The following ZNF143 variants were observed in gnomAD, a reference collection of about 807,000 sequenced individuals.
ZNF143 encodes the protein zinc finger protein 143.
Under a neutral mutation model 74.1 loss-of-function variants are expected in ZNF143, and 49 were observed. The ratio of observed to expected loss-of-function variants is 0.66; its 90% CI spans 0.53 to 0.84. The LOEUF (loss-of-function observed/expected upper bound fraction) is 0.84. Ranked by LOEUF, ZNF143 falls within the 40% of genes least tolerant of loss-of-function variation. ZNF143 has a pLI of 0.00. For missense variants in ZNF143, 637 were observed against 793.4 expected (o/e 0.80, Z 2.37); for synonymous variants, 304 against 282.8 (o/e 1.07, Z -0.75).
rs1847463698 is a variant in ZNF143, at chr11:9,486,164, T to TA, written c.645+6619dup. Among the ~76,000 whole-genome samples, 2 of 147,730 alleles carry TA rather than the reference T, an allele frequency of 1.4e-5. 1 individual carries two copies. Among genetic ancestry groups the TA allele is most frequent in the African/African-American group, 5.2e-5 (2 of 38,824 alleles). Reference sequence around the variant, plus strand: ...TCATTGGATAGCCATGGGGGCCAATTAGACAGTGTACGTAAAGCAGCCACC... The same window carrying TA: ...TCATTGGATAGCCATGGGGGCCAATTAAGACAGTGTACGTAAAGCAGCCACC... On this transcript the variant is annotated intron_variant, in intron 7 of 15. Transcript: ENST00000396602.
intron 4 of ZNF143, 126 bp from the exon 5 acceptor site, chr11:9,474,424 T>G (rs768289964): frequency 1.1e-6 from 1 of 930,276 alleles, no homozygotes; most frequent in Non-Finnish European, 1.7e-6. Context: ...ACTTAAATGT[T>G]CAAAGACTCA....
intron 13 of ZNF143, 69 bp downstream of exon 13, chr11:9,512,665 T>TC: frequency 6.3e-7 from 1 of 1,592,844 alleles, no homozygotes; most frequent in Non-Finnish European, 8.6e-7. Flanking sequence ...GCAGGCTGGG[T>TC]CCCCATTGAG....
At chr11:9,507,093 C>T (rs1848391683) in intron 11 of ZNF143, among the ~76,000 whole-genome samples, 1 of 152,162 alleles carries the variant, frequency 6.6e-6, no homozygotes, top group African/African-American at 2.4e-5. Flanking sequence ...GGGCAGAGGA[C>T]AGGAAGAAAT....
intron 7 of ZNF143, among the ~76,000 whole-genome samples, chr11:9,487,007 C>T (rs1216781443): frequency 1.5e-5 from 2 of 136,794 alleles, no homozygotes; most frequent in African/African-American, 2.9e-5. Context: ...ACTCTTGTCA[C>T]CCAGGCTGGA....
chr11:9,501,067 A>T, intron 10 of ZNF143, 24 bp from the exon 11 acceptor site: 1 of 1,613,658 alleles, frequency 6.2e-7, no homozygotes, highest in Non-Finnish European at 8.5e-7. Flanking sequence ...GCACCATTTA[A>T]TGTATTACCC....
Position 9,501,167 on chromosome 11 carries a change from T to A in ZNF143, c.1044T>A (p.Val348=), listed in dbSNP as rs760779294. 2 of 1,614,162 alleles carry A rather than the reference T, an allele frequency of 1.2e-6. No homozygotes were observed. Among genetic ancestry groups the A allele is most frequent in the South Asian group, 2.2e-5 (2 of 91,078 alleles). Residue 348 remains valine (V), a synonymous_variant, in exon 11 of 16, where the codon GTT becomes GTA. Coordinates refer to ENST00000396602, the MANE Select transcript of ZNF143 (RefSeq NM_003442.6). ...CATCAAATATCAGAAAAGTGCACGT[T>A]AGGACACACACAGGAGAAAGACCTT... The part of the protein sequence containing the change: ...FTTSNIRKVH[V]RTHTGERPYY...
intron 7 of ZNF143, among the ~76,000 whole-genome samples, chr11:9,485,430 C>T (rs886450217): frequency 6.7e-6 from 1 of 149,170 alleles, no homozygotes; most frequent in Non-Finnish European, 1.5e-5. Context: ...TCATTGCAAC[C>T]TCTGCCTCCC....
At chr11:9,514,169 A>G (rs1240004207) in intron 13 of ZNF143, among the ~76,000 whole-genome samples, 1 of 152,184 alleles carries the variant, frequency 6.6e-6, no homozygotes, top group African/African-American at 2.4e-5. Flanking sequence ...GAGCGCTGGG[A>G]TTTCAGGCAT....
chr11:9,474,637 A>G lies in ZNF143; in HGVS notation c.373+4A>G. 1 of 1,613,536 alleles carries G rather than the reference A, an allele frequency of 6.2e-7. No individual in the cohort carries two copies. Among genetic ancestry groups the G allele is most frequent in the Non-Finnish European group, 8.5e-7 (1 of 1,179,444 alleles). On this transcript the variant is annotated splice_donor_region_variant and intron_variant, in intron 5 of 15. Coordinates refer to ENST00000396602, the MANE Select transcript of ZNF143 (RefSeq NM_003442.6). Reference sequence around the variant, plus strand: ...TTTATTCACCACACCTCCAAAGGTAAAATAACTTTGAAAGTATGAATAAAA... The same window carrying G: ...TTTATTCACCACACCTCCAAAGGTAGAATAACTTTGAAAGTATGAATAAAA...
At position 9,479,505 on chromosome 11, in the gene ZNF143, A is replaced by G. The variant is rs373577831; in HGVS notation, c.604A>G (p.Thr202Ala). 1.2e-6 allele frequency: 2 copies of G among 1,613,332 alleles called. No homozygotes were observed. Among genetic ancestry groups the G allele is most frequent in the African/African-American group, 2.7e-5 (2 of 74,890 alleles). The change falls in exon 7 of 16, where the codon ACT (threonine) becomes GCT (alanine). Residue 202 changes from threonine (T) to alanine (A), a missense_variant. Physicochemically the swap from Thr to Ala is moderately conservative, Grantham distance 58 (BLOSUM62 0). This residue lies in a region of ZNF143 where 293 missense variants were observed against 307.8 expected (regional missense o/e 0.95). Transcript: ENST00000396602. ...TGATGGAAGTGAAAGTGTAGCAGGT[A>G]CTGGAATGATTGGAGAAAATGAGCA... ...SIDGSESVAG[T>A]GMIGENEQEK...
At chr11:9,480,653 A>G (rs922989296) in intron 7 of ZNF143, among the ~76,000 whole-genome samples, 8 of 152,260 alleles carry the variant, frequency 5.3e-5, no homozygotes, top group South Asian at 4.1e-4. Flanking sequence ...TGGGAGGCTG[A>G]GGCGGATGGA....
At chr11:9,483,832 C>T (rs1196584763) in intron 7 of ZNF143, among the ~76,000 whole-genome samples, 2 of 149,706 alleles carry the variant, frequency 1.3e-5, no homozygotes, top group African/African-American at 2.5e-5. Context: ...TCACTGTGAC[C>T]TCCGTCTCCT....
intron 13 of ZNF143, among the ~76,000 whole-genome samples, chr11:9,515,375 T>C (rs1589942746): frequency 6.6e-6 from 1 of 151,180 alleles, no homozygotes; most frequent in Non-Finnish European, 1.5e-5. Context: ...TATTGCCGGG[T>C]GTGGTGGCTC....
At chr11:9,494,282 T>TA (rs1847883515) in intron 7 of ZNF143, among the ~76,000 whole-genome samples, 1 of 152,174 alleles carries the variant, frequency 6.6e-6, no homozygotes, top group African/African-American at 2.4e-5. Context: ...AATCATAATT[T>TA]ATCTGTTTTA....
intron 10 of ZNF143, among the ~76,000 whole-genome samples, chr11:9,500,524 C>G (rs1196607433): frequency 6.6e-6 from 1 of 151,910 alleles, no homozygotes; most frequent in Non-Finnish European, 1.5e-5. Flanking sequence ...ACCTCCGCCT[C>G]TTGAGTTCAA....
At chr11:9,469,215 CTT>C (rs33968880) in intron 1 of ZNF143, among the ~76,000 whole-genome samples, 19,511 of 97,682 alleles carry the variant, frequency 0.2, 2,119 homozygotes, top group African/African-American at 0.36. Flanking sequence ...CAGCAGGGGT[CTT>C]TTTTTTTTTT....
chr11:9,495,365 C>T (rs550044812), intron 8 of ZNF143, among the ~76,000 whole-genome samples: 18 of 152,238 alleles, frequency 1.2e-4, no homozygotes, highest in Admixed American at 2.6e-4. Context: ...TGCTTGAACC[C>T]GGGAGGCAGA....
intron 14 of ZNF143, among the ~76,000 whole-genome samples, chr11:9,524,223 G>A (rs949033451): frequency 6.6e-6 from 1 of 152,082 alleles, no homozygotes; most frequent in African/African-American, 2.4e-5. Context: ...AGTGCCCTCA[G>A]TGTGAAATCT....
At position 9,466,362 on chromosome 11, in the gene ZNF143, C is replaced by G. The variant is rs778046715; in HGVS notation, c.-7-4940C>G. On this transcript the variant is annotated intron_variant, in intron 1 of 15. Coordinates refer to ENST00000396602, the MANE Select transcript of ZNF143 (RefSeq NM_003442.6). Reference sequence around the variant, plus strand: ...CCAGGCTGGAGTGCAATGATGTGATCTCGGCTCACTGCAACCTACGTCTCC... The same window carrying G: ...CCAGGCTGGAGTGCAATGATGTGATGTCGGCTCACTGCAACCTACGTCTCC... Among the ~76,000 whole-genome samples the G allele has an allele frequency of 1.1e-4, 16 of 151,036 alleles. 1 individual carries two copies. The highest frequency in any genetic ancestry group is 1.9e-4 in the Non-Finnish European group (13 of 67,866).
Sources: gnomAD v4.1 joint callset for allele counts (sites outside exome capture counted in the v4.1 genomes callset) on GRCh38, gnomAD v4.1.1 for gene constraint, gnomAD v4.1.1 regional missense constraint, MANE v1.5 for transcripts, NCBI Gene and HGNC (gene_info 2026-07-23, HGNC 2026-07-21) for gene names.